RHOA: variants seen among roughly 807,000 people sequenced by gnomAD.
RHOA encodes ras homolog family member A.
In RHOA, 3 loss-of-function variants were observed where a neutral mutation model predicts 17.5. The observed-to-expected ratio is 0.17, with a 90% CI of 0.08 to 0.44. RHOA has a LOEUF of 0.44. Among genes scored for constraint, RHOA ranks in the 20% least tolerant of loss-of-function variants. The pLI is 0.99. For missense variants in RHOA, 56 were observed against 242.3 expected (o/e 0.23, Z 5.10); for synonymous variants, 98 against 88.4 (o/e 1.11, Z -0.61).
At chr3:49,383,200 G>A (rs1172814787) in intron 1 of RHOA, among the ~76,000 whole-genome samples, 8 of 152,136 alleles carry the variant, frequency 5.3e-5, no homozygotes, top group Non-Finnish European at 7.4e-5. Flanking sequence ...TTGGGAGGCC[G>A]AGGCGGGCAG....
intron 2 of RHOA, among the ~76,000 whole-genome samples, chr3:49,374,227 T>C (rs1476942585): frequency 1.3e-5 from 2 of 152,118 alleles, no homozygotes; most frequent in Non-Finnish European, 2.9e-5. Flanking sequence ...TGGACACCTG[T>C]AGTCCCAGCT....
intron 1 of RHOA, among the ~76,000 whole-genome samples, chr3:49,404,847 G>T (rs1171979797): frequency 2.0e-5 from 3 of 151,112 alleles, no homozygotes; most frequent in Non-Finnish European, 4.4e-5. Flanking sequence ...GCTAAGGCAG[G>T]AGAACCGCAT....
At chr3:49,364,460 G>A (rs373641567) in intron 3 of RHOA, among the ~76,000 whole-genome samples, 19 of 152,078 alleles carry the variant, frequency 1.2e-4, no homozygotes, top group African/African-American at 4.1e-4. Flanking sequence ...ACTCCAGCCT[G>A]GGCAACAAGA....
chr3:49,395,078 T>C (rs1221179037), intron 1 of RHOA, among the ~76,000 whole-genome samples: 1 of 145,680 alleles, frequency 6.9e-6, no homozygotes, highest in African/African-American at 2.5e-5. Flanking sequence ...TGAAATCATG[T>C]CTCTACTAAA....
intron 1 of RHOA, among the ~76,000 whole-genome samples, chr3:49,400,552 G>T (rs1465066392): frequency 6.6e-6 from 1 of 152,006 alleles, no homozygotes; most frequent in Admixed American, 6.6e-5. Context: ...TGAATACTTT[G>T]TTCTGGTACA....
chr3:49,407,989 G>A (rs1356667962), intron 1 of RHOA, among the ~76,000 whole-genome samples: 10 of 151,946 alleles, frequency 6.6e-5, no homozygotes, highest in South Asian at 4.1e-4. Context: ...GTGAAACCCC[G>A]TCTCTACTAA....
chr3:49,368,608 A>G (rs1280814726), intron 2 of RHOA, 60 bp from the exon 3 acceptor site: 2 of 1,597,974 alleles, frequency 1.3e-6, no homozygotes, highest in Admixed American at 1.7e-5. Flanking sequence ...ACTTTTAGAA[A>G]AAGTGACACT....
At chr3:49,362,456 G>A in intron 4 of RHOA, 40 bp downstream of exon 4, 1 of 1,537,336 alleles carries the variant, frequency 6.5e-7, no homozygotes. Context: ...TGGGGCCCTA[G>A]TTCAAGAATA....
chr3:49,406,539 C>T (rs1189817295), intron 1 of RHOA, among the ~76,000 whole-genome samples: 2 of 152,114 alleles, frequency 1.3e-5, no homozygotes, highest in Non-Finnish European at 2.9e-5. Context: ...GAAGCTGAGG[C>T]GGGTGGATTG....
intron 2 of RHOA, among the ~76,000 whole-genome samples, chr3:49,371,342 C>G (rs1479250786): frequency 6.6e-6 from 1 of 151,374 alleles, no homozygotes; most frequent in African/African-American, 2.4e-5. Context: ...TGCAGTGGCG[C>G]AGTCTCAGTT....
At chr3:49,402,272 T>C (rs1465954180) in intron 1 of RHOA, among the ~76,000 whole-genome samples, 3 of 152,196 alleles carry the variant, frequency 2.0e-5, no homozygotes, top group Admixed American at 6.5e-5. Context: ...AATGCGTATC[T>C]AGTAAAACTG....
chr3:49,363,096 T>TG (rs1439030087), intron 3 of RHOA, among the ~76,000 whole-genome samples: 1 of 152,216 alleles, frequency 6.6e-6, no homozygotes, highest in Non-Finnish European at 1.5e-5. Context: ...TTCTACCCTA[T>TG]GGGGTTTACT....
At chr3:49,394,033 G>C (rs2048571455) in intron 1 of RHOA, among the ~76,000 whole-genome samples, 1 of 151,902 alleles carries the variant, frequency 6.6e-6, no homozygotes, top group South Asian at 2.1e-4. Flanking sequence ...AACACGCCTG[G>C]CTAATTTTTT....
chr3:49,368,306 G>C, intron 3 of RHOA, 122 bp downstream of exon 3: 1 of 1,250,916 alleles, frequency 8.0e-7, no homozygotes, highest in Non-Finnish European at 1.1e-6. Flanking sequence ...CCAGGACTCC[G>C]GCCACTGACG....
At chr3:49,378,281 C>G (rs1347114065) in intron 1 of RHOA, among the ~76,000 whole-genome samples, 1 of 109,860 alleles carries the variant, frequency 9.1e-6, no homozygotes, top group Non-Finnish European at 1.7e-5. Flanking sequence ...AGGTCTCACT[C>G]TGTCACCCAG....
intron 1 of RHOA, among the ~76,000 whole-genome samples, chr3:49,376,731 G>A (rs1348422148): frequency 6.6e-6 from 1 of 151,950 alleles, no homozygotes; most frequent in East Asian, 1.9e-4. Context: ...CCCAAGGGAG[G>A]AAAGAACCAA....
chr3:49,380,079 G>A lies in RHOA; in HGVS notation c.-2-4488C>T, dbSNP rs78111789. ...TTGGAGACATGGCCATGTACCATGA[G>A]ATGTGAGAATCAGCAGTATGTTGTG... is the stretch of plus-strand genomic sequence containing the variant. On this transcript the variant is annotated intron_variant, in intron 1 of 4. Transcript: ENST00000418115. Among the ~76,000 whole-genome samples the A allele has an allele frequency of 9.6e-4, 146 of 152,276 alleles. 4 individuals carry two copies. The East Asian group carries it at 0.025, about 26-fold the overall frequency.
Position 49,375,362 on chromosome 3 carries a change from C to CT in RHOA, c.156+71dup, listed in dbSNP as rs1486393893. 5 of 1,461,466 alleles carry CT rather than the reference C, an allele frequency of 3.4e-6. No homozygotes were observed. The East Asian group carries it at 1.2e-4, about 34-fold the overall frequency. 90.5% of individuals were successfully genotyped at this position (1,461,466 alleles called of 1,614,324 possible). On this transcript the variant is annotated intron_variant, in intron 2 of 4. Transcript: ENST00000418115. ...TGGTATACTGAAGAGGCAAAAAGCT[C>CT]TAATTCTCTACATGCTCCATAAATA...
Position 49,360,260 on chromosome 3 carries a change from A to G in RHOA, c.531T>C (p.Ala177=), listed in dbSNP as rs777606108. The G allele has an allele frequency of 3.1e-6, 5 of 1,614,140 alleles. No homozygotes were observed. In the South Asian group the frequency reaches 3.3e-5, roughly 11 times the overall value. The change falls in exon 5 of 5, where the codon GCT becomes GCC. Residue 177 remains alanine, a synonymous_variant. Transcript: ENST00000418115. ...TCTTCCCACGTCTAGCTTGCAGAGC[A>G]GCTCTCGTAGCCATTTCAAAAACCT... ...VREVFEMATR[A]ALQARRGKKK...
Sources: gnomAD v4.1 joint callset for allele counts (sites outside exome capture counted in the v4.1 genomes callset) on GRCh38, gnomAD v4.1.1 for gene constraint, MANE v1.5 for transcripts, NCBI Gene and HGNC (gene_info 2026-07-23, HGNC 2026-07-21) for gene names.